ACYP2: variants seen among roughly 807,000 people sequenced by gnomAD.
The protein encoded by ACYP2 is acylphosphatase 2.
A neutral mutation model predicts 11.2 loss-of-function variants in ACYP2; 12 were observed. The observed-to-expected ratio is 1.08, with a 90% CI of 0.69 to 1.74. ACYP2 has a LOEUF of 1.74. ACYP2 is among the 40% of genes most tolerant of loss of function. The pLI, the probability that ACYP2 is intolerant of heterozygous loss-of-function variation, is 0.00. For synonymous variants in ACYP2, 43 were observed against 32.2 expected (o/e 1.33, Z -1.13); for missense variants, 134 against 101.9 (o/e 1.31, Z -1.35).
rs558297054 is a variant in ACYP2 at position 54,140,037 on chromosome 2, C to T, written c.404+1289C>T. Among the ~76,000 whole-genome samples the T allele has an allele frequency of 7.9e-5, 12 of 152,208 alleles. 1 individual carries two copies. The South Asian group carries it at 2.1e-3, about 26-fold the overall frequency. On this transcript the variant is annotated intron_variant, in intron 6 of 6. Coordinates refer to ENST00000607452, the MANE Select transcript of ACYP2 (RefSeq NM_001320586.2). Reference sequence around the variant, plus strand: ...CTAATTTTAAATGTTTACGTGCATACTTGTGTTTGTGTGTAAAACTACACC... The same window carrying T: ...CTAATTTTAAATGTTTACGTGCATATTTGTGTTTGTGTGTAAAACTACACC...
intron 5 of ACYP2, among the ~76,000 whole-genome samples, chr2:54,137,918 T>C (rs1279078522): frequency 1.3e-5 from 2 of 152,218 alleles, no homozygotes; most frequent in African/African-American, 4.8e-5. Flanking sequence ...AAGCATTCCC[T>C]TTTCTCTGCA....
intron 2 of ACYP2, among the ~76,000 whole-genome samples, chr2:54,032,266 A>G (rs893833926): frequency 4.6e-5 from 7 of 152,328 alleles, no homozygotes; most frequent in East Asian, 1.9e-4. Context: ...TAGGTCTAAC[A>G]TTTAAGTCTT....
At chr2:54,211,172 A>T (rs550152794) in intron 6 of ACYP2, among the ~76,000 whole-genome samples, 5 of 151,940 alleles carry the variant, frequency 3.3e-5, no homozygotes, top group Non-Finnish European at 7.3e-5. Flanking sequence ...TTATCATAAA[A>T]ATTAAAACAG....
rs112087013 is a variant in ACYP2, at chr2:54,256,816, G to GT, written c.405-47869dup. 8.2e-3 allele frequency among the ~76,000 whole-genome samples: 1,245 copies of GT among 151,224 alleles called. 15 individuals carry two copies. Among genetic ancestry groups the GT allele is most frequent in the African/African-American group, 0.026 (1,080 of 41,204 alleles). ...ACCACCATGCCCGGTTTTTTTGTTT[G>GT]TTTGTTTTGTTTTGTTTTGTTTTGT... On this transcript the variant is annotated intron_variant, in intron 6 of 6. Transcript: ENST00000607452.
chr2:53,986,977 A>T (rs1011601155), intron 2 of ACYP2, among the ~76,000 whole-genome samples: 1 of 152,222 alleles, frequency 6.6e-6, no homozygotes, highest in Non-Finnish European at 1.5e-5. Context: ...TTGTAACAAC[A>T]CAAATGGACT....
chr2:54,113,676 C>A (rs184225901), intron 4 of ACYP2, among the ~76,000 whole-genome samples: 1 of 152,190 alleles, frequency 6.6e-6, no homozygotes, highest in East Asian at 1.9e-4. Context: ...GGTAACCACT[C>A]GCAGAGATGA....
intron 6 of ACYP2, among the ~76,000 whole-genome samples, chr2:54,226,882 A>T (rs1480208328): frequency 6.6e-6 from 1 of 152,214 alleles, no homozygotes; most frequent in Non-Finnish European, 1.5e-5. Context: ...AACTCTTCAT[A>T]GCAACACACT....
At chr2:54,250,599 T>C (rs1164447497) in intron 6 of ACYP2, among the ~76,000 whole-genome samples, 1 of 152,246 alleles carries the variant, frequency 6.6e-6, no homozygotes, top group Admixed American at 6.5e-5. Context: ...AATTATGTGA[T>C]ATGAATTGAT....
At chr2:54,135,733 AT>A (rs1681189272) in intron 5 of ACYP2, among the ~76,000 whole-genome samples, 1 of 152,168 alleles carries the variant, frequency 6.6e-6, no homozygotes, top group African/African-American at 2.4e-5. Flanking sequence ...AAACGCTTTG[AT>A]TAGGTGTATT....
intron 6 of ACYP2, among the ~76,000 whole-genome samples, chr2:54,303,197 A>G (rs1689793936): frequency 6.6e-6 from 1 of 152,078 alleles, no homozygotes; most frequent in South Asian, 2.1e-4. Context: ...TAAAATTCAA[A>G]AAAATTAGCC....
At chr2:54,137,219 A>G (rs1193542135) in intron 5 of ACYP2, among the ~76,000 whole-genome samples, 1 of 148,808 alleles carries the variant, frequency 6.7e-6, no homozygotes, top group Non-Finnish European at 1.5e-5. Flanking sequence ...AGTCTTATAA[A>G]AACTCTGCAA....
At chr2:53,974,987 T>C (rs1558446206) in intron 2 of ACYP2, among the ~76,000 whole-genome samples, 2 of 152,068 alleles carry the variant, frequency 1.3e-5, no homozygotes, top group African/African-American at 4.8e-5. Flanking sequence ...GCAAGGGATC[T>C]AGAAGAATAG....
chr2:53,997,093 A>G (rs914636699), intron 2 of ACYP2, among the ~76,000 whole-genome samples: 1 of 152,070 alleles, frequency 6.6e-6, no homozygotes, highest in South Asian at 2.1e-4. Context: ...GTATTTACAG[A>G]TCTCTTGTTG....
chr2:54,038,786 G>T (rs1264221504), intron 2 of ACYP2, among the ~76,000 whole-genome samples: 4 of 119,580 alleles, frequency 3.3e-5, no homozygotes, highest in African/African-American at 9.6e-5. Flanking sequence ...TCACATTTTG[G>T]TTGTCAGAAT....
intron 2 of ACYP2, among the ~76,000 whole-genome samples, chr2:54,041,735 G>T (rs933190209): frequency 6.6e-6 from 1 of 152,188 alleles, no homozygotes; most frequent in Admixed American, 6.5e-5. Flanking sequence ...AGTTTAAGCT[G>T]GGTGAGGTAT....
chr2:54,273,821 G>A (rs964017151), intron 6 of ACYP2, among the ~76,000 whole-genome samples: 1 of 152,098 alleles, frequency 6.6e-6, no homozygotes. Context: ...TAACCTTCCT[G>A]CCCTCCACCT....
intron 6 of ACYP2, among the ~76,000 whole-genome samples, chr2:54,286,992 A>G (rs1378426266): frequency 6.6e-6 from 1 of 152,056 alleles, no homozygotes; most frequent in African/African-American, 2.4e-5. Context: ...ACTACATAAA[A>G]TTACCCTGGT....
At chr2:54,172,214 T>C (rs1683249122) in intron 6 of ACYP2, among the ~76,000 whole-genome samples, 1 of 152,084 alleles carries the variant, frequency 6.6e-6, no homozygotes, top group Admixed American at 6.6e-5. Flanking sequence ...CGAGACCCTG[T>C]CTCTAGAAAA....
At chr2:54,219,847 G>A (rs1237348198) in intron 6 of ACYP2, among the ~76,000 whole-genome samples, 3 of 112,472 alleles carry the variant, frequency 2.7e-5, no homozygotes, top group Non-Finnish European at 5.7e-5. Context: ...GTGTATGTGT[G>A]TGTATATAGA....
Sources: gnomAD v4.1 joint callset for allele counts (sites outside exome capture counted in the v4.1 genomes callset) on GRCh38, gnomAD v4.1.1 for gene constraint, MANE v1.5 for transcripts, NCBI Gene and HGNC (gene_info 2026-07-23, HGNC 2026-07-21) for gene names.